Variants in EPHB1 observed in about 807,000 individuals in gnomAD.
EPHB1 encodes EPH receptor B1.
EPHB1 carries 30 observed loss-of-function variants against 94.4 expected under a neutral mutation model. The ratio of observed to expected loss-of-function variants is 0.32; its 90% confidence interval spans 0.24 to 0.43. The LOEUF (loss-of-function observed/expected upper bound fraction) is 0.43, where lower values mean the gene tolerates loss of function less well. Among genes scored for constraint, EPHB1 ranks in the 20% least tolerant of loss-of-function variants. The pLI, the probability that EPHB1 is intolerant of heterozygous loss-of-function variation, is 1.00. For synonymous variants in EPHB1, 522 were observed against 489.1 expected, an observed-to-expected ratio of 1.07 and a Z score of -0.89; for missense variants, 1,055 against 1,308.3, an observed-to-expected ratio of 0.81 and a Z score of 2.99.
intron 3 of EPHB1, among the ~76,000 whole-genome samples, chr3:134,979,318 T>C (rs1934316962): frequency 6.6e-6 from 1 of 152,192 alleles, no homozygotes; most frequent in South Asian, 2.1e-4. Context: ...GCCAACCAGA[T>C]TGGCACGTTT....
Position 135,018,973 on chromosome 3 carries a change from ATGAGG to A in EPHB1, c.805+66922_805+66926del, listed in dbSNP as rs1285028820. Among the ~76,000 whole-genome samples, 149 of 152,298 alleles carry A rather than the reference ATGAGG, an allele frequency of 9.8e-4. 3 individuals carry two copies. The South Asian group carries it at 0.029, about 30-fold the overall frequency. On this transcript the variant is annotated intron_variant, in intron 3 of 15. Transcript: ENST00000398015. ...AGCTGAGGCTGTGCCTTGGAGAGGC[ATGAGG>A]CAGAGAGGACAGGGGAGAGAGGGAG...
chr3:134,864,605 G>A (rs2037333999), intron 1 of EPHB1, among the ~76,000 whole-genome samples: 2 of 152,192 alleles, frequency 1.3e-5, no homozygotes, highest in African/African-American at 4.8e-5. Context: ...ACCTGAAGGA[G>A]GGAAATGAAT....
chr3:134,829,724 T>A (rs763704748), intron 1 of EPHB1, among the ~76,000 whole-genome samples: 9 of 152,180 alleles, frequency 5.9e-5, no homozygotes, highest in Non-Finnish European at 1.3e-4. Flanking sequence ...CTGTGCAGAA[T>A]AAGCAGTTAA....
chr3:135,137,757 A>G (rs1940672367), intron 5 of EPHB1, among the ~76,000 whole-genome samples: 2 of 152,198 alleles, frequency 1.3e-5, no homozygotes, highest in South Asian at 4.1e-4. Flanking sequence ...GGACTGAGAG[A>G]TTAGCATCAT....
chr3:135,253,254 T>G (rs1933208868), intron 15 of EPHB1, among the ~76,000 whole-genome samples: 1 of 151,460 alleles, frequency 6.6e-6, no homozygotes, highest in Non-Finnish European at 1.5e-5. Flanking sequence ...TTGTTGCCAT[T>G]GCTTTTGGTG....
chr3:134,892,355 C>G (rs1447562436), intron 1 of EPHB1, among the ~76,000 whole-genome samples: 1 of 152,176 alleles, frequency 6.6e-6, no homozygotes, highest in Non-Finnish European at 1.5e-5. Context: ...GACTTTGGCC[C>G]GGCAAAAGGG....
At chr3:135,210,001 C>T (rs1317670900) in intron 12 of EPHB1, among the ~76,000 whole-genome samples, 1 of 152,144 alleles carries the variant, frequency 6.6e-6, no homozygotes, top group East Asian at 1.9e-4. Flanking sequence ...TCCAAGTATC[C>T]AGCCTGTGCC....
At chr3:135,221,870 C>G (rs1368967433) in intron 12 of EPHB1, among the ~76,000 whole-genome samples, 2 of 152,094 alleles carry the variant, frequency 1.3e-5, no homozygotes, top group African/African-American at 4.8e-5. Flanking sequence ...ATTAGAATCA[C>G]TAGTAAATGG....
At chr3:135,048,673 G>A (rs543788714) in intron 3 of EPHB1, among the ~76,000 whole-genome samples, 18 of 152,142 alleles carry the variant, frequency 1.2e-4, no homozygotes, top group African/African-American at 1.9e-4. Context: ...CCTGCCCCTC[G>A]TGCACGCACA....
chr3:135,192,979 A>G (rs1347885169), intron 11 of EPHB1, among the ~76,000 whole-genome samples, 156 bp downstream of exon 11: 1 of 152,194 alleles, frequency 6.6e-6, no homozygotes, highest in Non-Finnish European at 1.5e-5. Context: ...CTAAAAGAAG[A>G]GAACAAAACA....
intron 9 of EPHB1, among the ~76,000 whole-genome samples, chr3:135,177,144 G>A (rs539511312): frequency 3.3e-5 from 5 of 152,194 alleles, no homozygotes; most frequent in South Asian, 4.2e-4. Flanking sequence ...AGATGTTACC[G>A]CCCTCATAGG....
rs78677473 is a variant in EPHB1 at position 134,834,544 on chromosome 3, G to T, written c.58+38855G>T. Among the ~76,000 whole-genome samples the T allele has an allele frequency of 5.3e-3, 802 of 152,294 alleles. 6 individuals carry two copies. Among genetic ancestry groups the T allele is most frequent in the African/African-American group, 0.018 (763 of 41,564 alleles). Reference sequence around the variant, plus strand: ...TCTTTTGTGGGACTCATGTTGGCCAGCCCAAGTTCCTGTTGCTTGGTCCTT... The same window carrying T: ...TCTTTTGTGGGACTCATGTTGGCCATCCCAAGTTCCTGTTGCTTGGTCCTT... On this transcript the variant is annotated intron_variant, in intron 1 of 15. Coordinates refer to ENST00000398015, the MANE Select transcript of EPHB1 (RefSeq NM_004441.5).
At chr3:135,257,267 C>T (rs532015745) in intron 15 of EPHB1, among the ~76,000 whole-genome samples, 12 of 152,340 alleles carry the variant, frequency 7.9e-5, no homozygotes, top group African/African-American at 2.9e-4. Flanking sequence ...TGAGGAACTG[C>T]GTTCCTTTGG....
At chr3:134,904,749 A>G (rs1173461033) in intron 1 of EPHB1, among the ~76,000 whole-genome samples, 1 of 152,246 alleles carries the variant, frequency 6.6e-6, no homozygotes, top group African/African-American at 2.4e-5. Flanking sequence ...CAGGGAAGAC[A>G]TCTGACTGTC....
At chr3:134,987,406 T>C (rs1322643116) in intron 3 of EPHB1, among the ~76,000 whole-genome samples, 3 of 152,142 alleles carry the variant, frequency 2.0e-5, no homozygotes, top group African/African-American at 7.2e-5. Flanking sequence ...GGTGGGACTT[T>C]AATCCAGTGT....
At chr3:134,980,242 T>G (rs1415374350) in intron 3 of EPHB1, among the ~76,000 whole-genome samples, 1 of 152,122 alleles carries the variant, frequency 6.6e-6, no homozygotes, top group Non-Finnish European at 1.5e-5. Context: ...CCTCTGCATG[T>G]GACTTGAGCT....
intron 12 of EPHB1, among the ~76,000 whole-genome samples, chr3:135,215,666 G>T (rs1480866039): frequency 6.6e-6 from 1 of 152,212 alleles, no homozygotes; most frequent in Non-Finnish European, 1.5e-5. Context: ...CAGGGGAAAA[G>T]AAACTAAAAT....
intron 5 of EPHB1, among the ~76,000 whole-genome samples, chr3:135,147,752 C>G (rs1326430301): frequency 1.3e-5 from 2 of 152,190 alleles, no homozygotes; most frequent in Non-Finnish European, 2.9e-5. Flanking sequence ...ACAGCATTTG[C>G]CGTCTAGAAG....
chr3:135,164,051 C>T (rs888991782), intron 7 of EPHB1, among the ~76,000 whole-genome samples: 2 of 152,146 alleles, frequency 1.3e-5, no homozygotes, highest in African/African-American at 4.8e-5. Flanking sequence ...TGATTTTTGA[C>T]GTAGCTGCCT....
Sources: gnomAD v4.1 joint callset for allele counts (sites outside exome capture counted in the v4.1 genomes callset) on GRCh38, gnomAD v4.1.1 for gene constraint, MANE v1.5 for transcripts, NCBI Gene and HGNC (gene_info 2026-07-23, HGNC 2026-07-21) for gene names.